The following SRGAP1 variants were observed in gnomAD, a reference collection of about 807,000 sequenced individuals.
SRGAP1 encodes the protein SLIT-ROBO Rho GTPase-activating protein 1.
A neutral mutation model predicts 121.9 loss-of-function variants in SRGAP1; 43 were observed. That is an observed-to-expected ratio of 0.35 (90% CI 0.28 to 0.46). The LOEUF (loss-of-function observed/expected upper bound fraction) is 0.46. Ranked by LOEUF, SRGAP1 falls within the 20% of genes least tolerant of loss-of-function variation. SRGAP1 has a pLI of 1.00. For synonymous variants in SRGAP1, 447 were observed against 485.4 expected (o/e 0.92, Z 1.04); for missense variants, 1,102 against 1,350.9 (o/e 0.82, Z 2.89).
intron 4 of SRGAP1, among the ~76,000 whole-genome samples, chr12:64,030,133 T>C (rs1220171519): frequency 3.3e-5 from 5 of 152,190 alleles, no homozygotes; most frequent in Non-Finnish European, 5.9e-5. Flanking sequence ...ACCAAATTGA[T>C]AATTATGTTT....
intron 6 of SRGAP1, among the ~76,000 whole-genome samples, chr12:64,049,809 T>G (rs2136516385): frequency 6.6e-6 from 1 of 152,314 alleles, no homozygotes; most frequent in Middle Eastern, 3.4e-3. Context: ...TGTAGTATAA[T>G]TGAAATTAGG....
chr12:64,112,147 T>A (rs1480148432), intron 17 of SRGAP1, among the ~76,000 whole-genome samples, 161 bp downstream of exon 17: 3 of 152,168 alleles, frequency 2.0e-5, no homozygotes, highest in Non-Finnish European at 2.9e-5. Context: ...CTAAGACCCA[T>A]GGAAACTCAT....
At chr12:63,960,091 G>C (rs939659457) in intron 1 of SRGAP1, among the ~76,000 whole-genome samples, 9 of 152,150 alleles carry the variant, frequency 5.9e-5, no homozygotes, top group African/African-American at 2.2e-4. Flanking sequence ...GTGCCTAGAC[G>C]ATGGATCAAC....
intron 6 of SRGAP1, among the ~76,000 whole-genome samples, chr12:64,055,787 A>G (rs1396984604): frequency 6.6e-6 from 1 of 152,044 alleles, no homozygotes; most frequent in Non-Finnish European, 1.5e-5. Context: ...CTCTTTTCTC[A>G]GTCTCCAGTG....
intron 6 of SRGAP1, among the ~76,000 whole-genome samples, chr12:64,056,564 AAAAG>A (rs1433774385): frequency 4.3e-4 from 65 of 150,956 alleles, no homozygotes; most frequent in African/African-American, 1.1e-3. Flanking sequence ...AAAAAAAAAA[AAAAG>A]AGAGAAAGAA....
chr12:64,105,099 T>C (rs942665406), intron 15 of SRGAP1, among the ~76,000 whole-genome samples: 3 of 152,098 alleles, frequency 2.0e-5, no homozygotes, highest in African/African-American at 7.2e-5. Context: ...GCTTTATCTC[T>C]TCTGCTTTCT....
intron 6 of SRGAP1, among the ~76,000 whole-genome samples, chr12:64,056,414 A>G (rs1297163537): frequency 1.3e-5 from 2 of 152,014 alleles, no homozygotes; most frequent in Non-Finnish European, 2.9e-5. Context: ...TTAGCTGGGC[A>G]TGATACTAGG....
At chr12:64,062,607 C>G (rs1190866146) in intron 6 of SRGAP1, among the ~76,000 whole-genome samples, 1 of 151,964 alleles carries the variant, frequency 6.6e-6, no homozygotes, top group Non-Finnish European at 1.5e-5. Context: ...GCCTTCAACT[C>G]CCAGGTTCAG....
intron 3 of SRGAP1, among the ~76,000 whole-genome samples, chr12:63,998,507 G>A (rs1271440274): frequency 1.3e-5 from 2 of 152,090 alleles, no homozygotes; most frequent in Non-Finnish European, 2.9e-5. Flanking sequence ...CTGGGACCAT[G>A]GCATTAAAAA....
At chr12:63,911,298 C>CAAA (rs10715790) in intron 1 of SRGAP1, among the ~76,000 whole-genome samples, 1 of 90,236 alleles carries the variant, frequency 1.1e-5, no homozygotes, top group African/African-American at 4.4e-5. Context: ...GACTCTGTCT[C>CAAA]AAAAAAAAAA....
chr12:64,097,311 T>C lies in SRGAP1; in HGVS notation c.1749T>C (p.Tyr583=). The part of the protein sequence containing the change: ...INSVAGVLKL[Y]FRGLENPLFP... ...CAGTTGCTGGCGTTCTGAAGCTCTA[T>C]TTCCGTGGGCTGGAAAACCCCCTCT... is the stretch of plus-strand genomic sequence containing the variant. The change falls in exon 15 of 22, where the codon TAT becomes TAC. Residue 583 remains tyrosine, a synonymous_variant. Coordinates refer to ENST00000355086, the MANE Select transcript of SRGAP1 (RefSeq NM_020762.4). The C allele has an allele frequency of 1.9e-6, 3 of 1,613,650 alleles. No homozygotes were observed. Among genetic ancestry groups the C allele is most frequent in the Non-Finnish European group, 2.5e-6 (3 of 1,179,860 alleles).
intron 4 of SRGAP1, among the ~76,000 whole-genome samples, chr12:64,039,984 T>G (rs2034982315): frequency 6.6e-6 from 1 of 152,224 alleles, no homozygotes; most frequent in South Asian, 2.1e-4. Flanking sequence ...GCTTTATATT[T>G]TAGCCCTTAC....
intron 4 of SRGAP1, among the ~76,000 whole-genome samples, chr12:64,042,267 TAAAA>T (rs1178207290): frequency 2.0e-5 from 3 of 152,152 alleles, no homozygotes; most frequent in Non-Finnish European, 4.4e-5. Flanking sequence ...ACATTGAACA[TAAAA>T]AATATATATT....
chr12:63,986,064 T>TCTCTTCTCTC (rs912819652), intron 2 of SRGAP1, among the ~76,000 whole-genome samples: 2 of 152,098 alleles, frequency 1.3e-5, no homozygotes, highest in Admixed American at 6.6e-5. Flanking sequence ...TCTCTTCCTT[T>TCTCTTCTCTC]CTCTTCTCTC....
intron 4 of SRGAP1, among the ~76,000 whole-genome samples, chr12:64,037,729 C>T (rs1297736959): frequency 6.6e-6 from 1 of 152,212 alleles, no homozygotes; most frequent in African/African-American, 2.4e-5. Flanking sequence ...CTTGTACCAT[C>T]TTTCTAGCCT....
At chr12:63,955,036 G>T (rs2032420137) in intron 1 of SRGAP1, among the ~76,000 whole-genome samples, 1 of 152,060 alleles carries the variant, frequency 6.6e-6, no homozygotes, top group African/African-American at 2.4e-5. Context: ...ACAAATAAAA[G>T]GCCCGGCGCG....
At chr12:64,059,710 C>T (rs77521384) in intron 6 of SRGAP1, among the ~76,000 whole-genome samples, 1,737 of 152,072 alleles carry the variant, frequency 0.011, 30 homozygotes, top group African/African-American at 0.037. Context: ...TGTATAAAAC[C>T]GCTCCACACA....
At chr12:63,983,835 TATATATA>T (rs2033336577) in intron 1 of SRGAP1, 105 bp from the exon 2 acceptor site, 2 of 119,448 alleles carry the variant, frequency 1.7e-5, no homozygotes, top group Non-Finnish European at 3.2e-5. Flanking sequence ...TATATATATA[TATATATA>T]TATATATATA....
chr12:64,148,086 T>A lies in SRGAP1; in HGVS notation c.*5414T>A, dbSNP rs2037080668. On this transcript the variant is annotated 3_prime_UTR_variant, in exon 22 of 22. Coordinates refer to ENST00000355086, the MANE Select transcript of SRGAP1 (RefSeq NM_020762.4). Reference sequence around the variant, plus strand: ...CTCAATGTGTAGTCAGAGAAAAGAGTCTTGGCAGACACTTAACTGAGAAGC... The same window carrying A: ...CTCAATGTGTAGTCAGAGAAAAGAGACTTGGCAGACACTTAACTGAGAAGC... The A allele has an allele frequency of 6.4e-6, 1 of 155,384 alleles. No homozygotes were observed. The highest frequency in any genetic ancestry group is 1.9e-4 in the East Asian group (1 of 5,302). The allele number at this position is 155,384 out of a possible 1,614,324, so 9.6% of individuals were successfully genotyped here. A position where few individuals can be genotyped will look rare whatever the true frequency, so the allele number is the denominator to read the frequency against.
Sources: gnomAD v4.1 joint callset for allele counts (sites outside exome capture counted in the v4.1 genomes callset) on GRCh38, gnomAD v4.1.1 for gene constraint, MANE v1.5 for transcripts, NCBI Gene and HGNC (gene_info 2026-07-23, HGNC 2026-07-21) for gene names.